The following ROBO1 variants were observed in gnomAD, a reference collection of about 807,000 sequenced individuals.
ROBO1 encodes roundabout homolog 1.
Under a neutral mutation model 195.9 loss-of-function variants are expected in ROBO1, and 149 were observed. The ratio of observed to expected loss-of-function variants is 0.76; its 90% CI spans 0.67 to 0.87. The LOEUF (loss-of-function observed/expected upper bound fraction) is 0.87. Ranked by LOEUF, ROBO1 falls within the 40% of genes least tolerant of loss-of-function variation. The probability of loss-of-function intolerance (pLI) is 0.00; values close to 1 mark genes in which losing one functional copy is unlikely to be tolerated. For synonymous variants in ROBO1, 816 were observed against 733.2 expected, an observed-to-expected ratio of 1.11 and a Z score of -1.82; for missense variants, 1,933 against 2,068.3, an observed-to-expected ratio of 0.93 and a Z score of 1.27.
chr3:79,618,919 C>G (rs1048073056), intron 1 of ROBO1, among the ~76,000 whole-genome samples: 6 of 152,212 alleles, frequency 3.9e-5, no homozygotes, highest in African/African-American at 1.4e-4. Flanking sequence ...AAAGGAGACA[C>G]ATTTTATCCG....
At chr3:78,951,707 T>C (rs1247735946) in intron 3 of ROBO1, among the ~76,000 whole-genome samples, 1 of 152,036 alleles carries the variant, frequency 6.6e-6, no homozygotes, top group Non-Finnish European at 1.5e-5. Context: ...AGTTGGAAGA[T>C]AAAATATAAA....
At chr3:78,989,858 A>T (rs959944155) in intron 3 of ROBO1, among the ~76,000 whole-genome samples, 2 of 152,108 alleles carry the variant, frequency 1.3e-5, no homozygotes, top group African/African-American at 2.4e-5. Flanking sequence ...TTTTGAATTT[A>T]ATATATAAAT....
chr3:79,572,864 G>A (rs181561989), intron 2 of ROBO1, among the ~76,000 whole-genome samples: 238 of 152,168 alleles, frequency 1.6e-3, no homozygotes, highest in Non-Finnish European at 3.0e-3. Context: ...AAATCACACT[G>A]CATAGACCAT....
chr3:78,773,036 T>C (rs2083417512), intron 4 of ROBO1, among the ~76,000 whole-genome samples: 1 of 152,128 alleles, frequency 6.6e-6, no homozygotes, highest in Admixed American at 6.5e-5. Context: ...CAAGAAAAAG[T>C]AATACTTAAC....
Position 79,090,146 on chromosome 3 carries a change from G to T in ROBO1, c.172+35310C>A, listed in dbSNP as rs2079450593. 2.0e-5 allele frequency among the ~76,000 whole-genome samples: 3 copies of T among 151,834 alleles called. No individual in the cohort carries two copies. The East Asian group carries it at 5.8e-4, about 30-fold the overall frequency. ...GTAGAGACGGGGTTTCAGCATATTG[G>T]CCAGGCTGGTCTCGAACTCCTGACC... On this transcript the variant is annotated intron_variant, in intron 3 of 30. Coordinates refer to ENST00000464233, the MANE Select transcript of ROBO1 (RefSeq NM_002941.4).
chr3:79,573,213 A>C (rs1411870136), intron 2 of ROBO1, among the ~76,000 whole-genome samples: 4 of 151,992 alleles, frequency 2.6e-5, no homozygotes, highest in Non-Finnish European at 5.9e-5. Flanking sequence ...CATGGCTGGA[A>C]AATTTTTAAA....
chr3:79,725,587 A>C (rs1238099864), intron 1 of ROBO1, among the ~76,000 whole-genome samples: 1 of 152,156 alleles, frequency 6.6e-6, no homozygotes, highest in Non-Finnish European at 1.5e-5. Context: ...AATGATTTTC[A>C]TTTTAAGAGT....
At chr3:79,614,127 A>C (rs777597723) in intron 1 of ROBO1, among the ~76,000 whole-genome samples, 2 of 152,088 alleles carry the variant, frequency 1.3e-5, no homozygotes, top group Non-Finnish European at 2.9e-5. Flanking sequence ...AGAAAACCTA[A>C]ACTACACTAC....
chr3:78,782,068 T>C (rs1035558814), intron 4 of ROBO1, among the ~76,000 whole-genome samples: 3 of 152,222 alleles, frequency 2.0e-5, no homozygotes, highest in African/African-American at 4.8e-5. Flanking sequence ...TATTCTACTG[T>C]AGTTATCTTC....
At chr3:79,643,908 AC>A (rs1335490873) in intron 1 of ROBO1, among the ~76,000 whole-genome samples, 9 of 152,082 alleles carry the variant, frequency 5.9e-5, no homozygotes, top group Non-Finnish European at 8.8e-5. Flanking sequence ...AAATAAAAAA[AC>A]GTAGGATGAA....
At chr3:79,603,548 G>A (rs1178126113) in intron 1 of ROBO1, among the ~76,000 whole-genome samples, 1 of 151,954 alleles carries the variant, frequency 6.6e-6, no homozygotes, top group Non-Finnish European at 1.5e-5. Context: ...AGTGTTGGGT[G>A]TCACATGTTC....
At position 78,668,535 on chromosome 3, in the gene ROBO1, C is replaced by T. The variant is rs769131443; in HGVS notation, c.1579G>A (p.Ala527Thr). ...LGDTGRYTCI[A>T]STPSGEATWS... Reference sequence around the variant, plus strand: ...GTTGCTTCACCACTGGGGGTTGATGCAATGCAGGTGTACCGACCAGTATCA... The same window carrying T: ...GTTGCTTCACCACTGGGGGTTGATGTAATGCAGGTGTACCGACCAGTATCA... The change falls in exon 12 of 31, where the codon GCA becomes ACA. Residue 527 changes from alanine (A) to threonine (T), a missense_variant. Around this residue, in one of 3 missense-constraint regions of ROBO1, gnomAD observed 1,737 missense variants for 1,882.5 expected, o/e 0.92. Transcript: ENST00000464233. The T allele has an allele frequency of 1.2e-6, 2 of 1,613,800 alleles. No homozygotes were observed. The highest frequency in any genetic ancestry group is 1.7e-6 in the Non-Finnish European group (2 of 1,179,822).
chr3:78,736,996 G>C (rs1292124358), intron 5 of ROBO1, among the ~76,000 whole-genome samples: 1 of 152,162 alleles, frequency 6.6e-6, no homozygotes, highest in Non-Finnish European at 1.5e-5. Context: ...CTCGATGCAT[G>C]GGAAAGAAGT....
chr3:79,604,727 C>G (rs1393984219), intron 1 of ROBO1, among the ~76,000 whole-genome samples: 2 of 151,932 alleles, frequency 1.3e-5, no homozygotes, highest in South Asian at 2.1e-4. Flanking sequence ...AAATGTATTA[C>G]TTAGCCAATT....
chr3:78,760,949 G>A (rs1052455369), intron 4 of ROBO1, among the ~76,000 whole-genome samples: 9 of 151,570 alleles, frequency 5.9e-5, no homozygotes, highest in African/African-American at 2.2e-4. Context: ...TCTTTGATAT[G>A]TTCTTTTTTA....
At chr3:79,563,074 G>C (rs1942976936) in intron 2 of ROBO1, among the ~76,000 whole-genome samples, 1 of 151,510 alleles carries the variant, frequency 6.6e-6, no homozygotes, top group African/African-American at 2.4e-5. Flanking sequence ...CACACATATG[G>C]CTAGGGGTGA....
chr3:79,418,491 T>C (rs1201944999), intron 2 of ROBO1, among the ~76,000 whole-genome samples: 1 of 152,200 alleles, frequency 6.6e-6, no homozygotes, highest in East Asian at 1.9e-4. Flanking sequence ...TTTCCTCCAC[T>C]CTTTCCACCA....
intron 2 of ROBO1, among the ~76,000 whole-genome samples, chr3:79,398,974 G>GATCA (rs2037258042): frequency 6.6e-6 from 1 of 151,096 alleles, no homozygotes; most frequent in Admixed American, 6.6e-5. Context: ...GAGGGCATAA[G>GATCA]AGAGTGAATG....
Position 79,433,968 on chromosome 3 carries a change from G to T in ROBO1, c.88+155856C>A, listed in dbSNP as rs145528483. ...TTGACAAAAACAAGAACTGGGGAAAGGATTCCCTATTTAATAAATCGTGCT... is the reference window on the plus strand; with the variant it reads ...TTGACAAAAACAAGAACTGGGGAAATGATTCCCTATTTAATAAATCGTGCT... On this transcript the variant is annotated intron_variant, in intron 2 of 30. Coordinates refer to ENST00000464233, the MANE Select transcript of ROBO1 (RefSeq NM_002941.4). Among the ~76,000 whole-genome samples, 343 of 152,304 alleles carry T rather than the reference G, an allele frequency of 2.3e-3. 2 individuals carry two copies. Among genetic ancestry groups the T allele is most frequent in the African/African-American group, 7.7e-3 (321 of 41,576 alleles).
Sources: allele counts gnomAD v4.1 joint callset (sites outside exome capture counted in the v4.1 genomes callset), GRCh38; gene constraint gnomAD v4.1.1; regional missense constraint gnomAD v4.1.1; transcripts MANE v1.5; gene names NCBI Gene and HGNC (gene_info 2026-07-23, HGNC 2026-07-21).